Variants in ACSM2A observed in about 807,000 individuals in gnomAD.
The protein encoded by ACSM2A is acyl-coenzyme A synthetase ACSM2A, mitochondrial.
ACSM2A carries 72 observed loss-of-function variants against 76.6 expected under a neutral mutation model. The ratio of observed to expected loss-of-function variants is 0.94; its 90% CI spans 0.78 to 1.14. The LOEUF is 1.14. ACSM2A is among the 50% of genes most tolerant of loss of function. ACSM2A has a pLI of 0.00. For missense variants in ACSM2A, 684 were observed against 708.5 expected (o/e 0.97, Z 0.39); for synonymous variants, 249 against 255.9 (o/e 0.97, Z 0.26).
intron 9 of ACSM2A, among the ~76,000 whole-genome samples, chr16:20,478,332 G>A (rs1018893): frequency 0.1 from 15,808 of 152,078 alleles, 2,072 homozygotes; most frequent in African/African-American, 0.3. Flanking sequence ...AGCTCCTAGA[G>A]CCAAAAGCAT....
chr16:20,473,356 T>A (rs1283851874), intron 6 of ACSM2A, among the ~76,000 whole-genome samples: 2 of 152,114 alleles, frequency 1.3e-5, no homozygotes, highest in Non-Finnish European at 2.9e-5. Flanking sequence ...AAAACAGACA[T>A]AAAATTATAA....
chr16:20,485,831 C>A (rs2032874711), intron 13 of ACSM2A, among the ~76,000 whole-genome samples: 1 of 152,182 alleles, frequency 6.6e-6, no homozygotes, highest in Admixed American at 6.5e-5. Context: ...TCAAGACCAT[C>A]TAACACTTAA....
chr16:20,485,919 G>A (rs757631958), intron 13 of ACSM2A, among the ~76,000 whole-genome samples: 1 of 152,180 alleles, frequency 6.6e-6, no homozygotes, highest in African/African-American at 2.4e-5. Flanking sequence ...TTGGATTTGG[G>A]AATATAAGAG....
At chr16:20,457,052 G>T (rs960245565) in intron 1 of ACSM2A, among the ~76,000 whole-genome samples, 1 of 151,962 alleles carries the variant, frequency 6.6e-6, no homozygotes, top group Non-Finnish European at 1.5e-5. Flanking sequence ...AAAAAACTTG[G>T]AGGAGATGGA....
chr16:20,458,209 T>G (rs1473771612), intron 1 of ACSM2A, among the ~76,000 whole-genome samples: 5 of 151,172 alleles, frequency 3.3e-5, no homozygotes, highest in Non-Finnish European at 7.4e-5. Flanking sequence ...GAATAAATAT[T>G]GTAAAAATGA....
At position 20,483,061 on chromosome 16, in the gene ACSM2A, G is replaced by C. The variant is rs184553350; in HGVS notation, c.1513G>C (p.Val505Leu). The C allele has an allele frequency of 1.9e-6, 3 of 1,613,596 alleles. No individual in the cohort carries two copies. In the East Asian group the frequency reaches 6.7e-5, roughly 36 times the overall value. ...CTGGCCTTCATCTTTTTTGCAGGTGGTGAAGGCATTTGTGGTCCTGGCCTC... is the reference window on the plus strand; with the variant it reads ...CTGGCCTTCATCTTTTTTGCAGGTGCTGAAGGCATTTGTGGTCCTGGCCTC... ...SSPDPVRGEV[V>L]KAFVVLASQF... The change falls in exon 13 of 14, where the codon GTG (valine) becomes CTG (leucine). Residue 505 changes from valine to leucine, a missense_variant. Val to Leu is a conservative substitution (Grantham distance 32). Transcript: ENST00000573854.
At chr16:20,476,231 G>A in intron 8 of ACSM2A, 4 of 998,414 alleles carry the variant, frequency 4.0e-6, no homozygotes, top group Non-Finnish European at 4.8e-6. Flanking sequence ...TGACTTTACT[G>A]CACCTCCTGA....
chr16:20,480,840 G>A lies in ACSM2A; in HGVS notation c.1428G>A (p.Ser476=), dbSNP rs773909818. The A allele has an allele frequency of 9.4e-5, 151 of 1,613,808 alleles. 1 individual carries two copies. The highest frequency in any genetic ancestry group is 3.3e-4 in the Middle Eastern group (2 of 6,078). The change falls in exon 12 of 14, where the codon TCG becomes TCA. Residue 476 remains serine, a synonymous_variant. Coordinates refer to ENST00000573854, the MANE Select transcript of ACSM2A (RefSeq NM_001308172.2). ...TCTGCAGGTACCGGATTGGACCCTC[G>A]GAGGTAGAGAATGCACTGATGGAGC... is the stretch of plus-strand genomic sequence containing the variant. ...INSSGYRIGP[S]EVENALMEHP...
chr16:20,471,156 T>C lies in ACSM2A; in HGVS notation c.680T>C (p.Leu227Pro), dbSNP rs1237568815. The C allele has an allele frequency of 3.7e-6, 6 of 1,613,136 alleles. No individual in the cohort carries two copies. Among genetic ancestry groups the C allele is most frequent in the Non-Finnish European group, 5.1e-6 (6 of 1,179,234 alleles). ...AIYFTSGTSG[L>P]PKMAEHSYSS... ...TACTTCACTAGTGGGACCAGTGGTC[T>C]TCCCAAGATGGCAGAACATTCCTAC... The change falls in exon 5 of 14, where the codon CTT (leucine) becomes CCT (proline). Residue 227 changes from leucine (L) to proline (P), a missense_variant. Physicochemically the swap from Leu to Pro is moderately conservative, Grantham distance 98 (BLOSUM62 -3). Transcript: ENST00000573854.
chr16:20,476,208 G>A (rs1443821659), intron 8 of ACSM2A: 2 of 1,001,422 alleles, frequency 2.0e-6, no homozygotes, highest in Non-Finnish European at 2.4e-6. Context: ...GGAATGGGAA[G>A]AAGAACCCAC....
At chr16:20,452,334 C>A (rs2011809288) in intron 1 of ACSM2A, 1 of 147,752 alleles carries the variant, frequency 6.8e-6, no homozygotes. Context: ...AGCTTCCCAG[C>A]CTAGATCTTT....
At chr16:20,469,071 G>A (rs1489668631) in intron 3 of ACSM2A, among the ~76,000 whole-genome samples, 1 of 152,156 alleles carries the variant, frequency 6.6e-6, no homozygotes, top group Non-Finnish European at 1.5e-5. Context: ...TGCATTTAAT[G>A]TCCCAGGGAT....
At chr16:20,475,530 C>A (rs533816439) in intron 7 of ACSM2A, 89 bp downstream of exon 7, 6 of 1,602,958 alleles carry the variant, frequency 3.7e-6, no homozygotes, top group Admixed American at 3.4e-5. Context: ...CTGAATCTCT[C>A]GCACACAGAG....
intron 1 of ACSM2A, chr16:20,452,349 C>T (rs369786943): frequency 3.4e-5 from 5 of 145,322 alleles, no homozygotes; most frequent in South Asian, 2.3e-4. Flanking sequence ...ATCTTTCTTC[C>T]GTACTGGATG....
At chr16:20,481,001 T>A in intron 12 of ACSM2A, 80 bp downstream of exon 12, 2 of 1,545,550 alleles carry the variant, frequency 1.3e-6, no homozygotes, top group South Asian at 2.3e-5. Flanking sequence ...GAACAGGGAC[T>A]GTGGGGCTGA....
intron 4 of ACSM2A, among the ~76,000 whole-genome samples, chr16:20,469,954 T>C (rs1334346972): frequency 1.4e-5 from 2 of 143,614 alleles, no homozygotes; most frequent in African/African-American, 5.2e-5. Flanking sequence ...GAGCAGCATA[T>C]AGAATGCCTC....
chr16:20,474,655 C>T lies in ACSM2A; in HGVS notation c.895-707C>T, dbSNP rs9936421. On this transcript the variant is annotated intron_variant, in intron 6 of 13. Transcript: ENST00000573854. ...AGCATGGGATGGAGATGGTGTTATA[C>T]GACAGGAATACATGCTGCAAATAAT... Among the ~76,000 whole-genome samples the T allele has an allele frequency of 3.1e-3, 477 of 152,300 alleles. 1 individual carries two copies. The highest frequency in any genetic ancestry group is 9.1e-3 in the African/African-American group (380 of 41,560).
At chr16:20,468,224 G>A (rs2013135009) in intron 3 of ACSM2A, among the ~76,000 whole-genome samples, 1 of 152,134 alleles carries the variant, frequency 6.6e-6, no homozygotes, top group Non-Finnish European at 1.5e-5. Context: ...AAACATTTGA[G>A]GATATTTACA....
At chr16:20,481,818 A>G (rs2014102010) in intron 12 of ACSM2A, 2 of 132,968 alleles carry the variant, frequency 1.5e-5, no homozygotes, top group South Asian at 6.0e-4. Flanking sequence ...GCGTGTAACA[A>G]AATGTCACTT....
Sources: gnomAD v4.1 joint callset for allele counts (sites outside exome capture counted in the v4.1 genomes callset) on GRCh38, gnomAD v4.1.1 for gene constraint, MANE v1.5 for transcripts, NCBI Gene and HGNC (gene_info 2026-07-23, HGNC 2026-07-21) for gene names.